The following MARCHF1 variants were observed in gnomAD, a reference collection of about 807,000 sequenced individuals.
The protein encoded by MARCHF1 is membrane associated ring-CH-type finger 1, also known as E3 ubiquitin-protein ligase MARCHF1.
MARCHF1 carries 40 observed loss-of-function variants against 54.2 expected under a neutral mutation model. That is an observed-to-expected ratio of 0.74 (90% CI 0.57 to 0.96). MARCHF1 has a LOEUF of 0.96. Ranked by LOEUF, MARCHF1 falls within the 40% of genes least tolerant of loss-of-function variation. The pLI is 0.00. For synonymous variants in MARCHF1, 236 were observed against 236.3 expected, an observed-to-expected ratio of 1.00 and a Z score of 0.01; for missense variants, 586 against 656.5, an observed-to-expected ratio of 0.89 and a Z score of 1.17.
chr4:164,269,040 C>T (rs1014010526), intron 1 of MARCHF1, among the ~76,000 whole-genome samples: 1 of 152,084 alleles, frequency 6.6e-6, no homozygotes, highest in Non-Finnish European at 1.5e-5. Flanking sequence ...AAGAGATATA[C>T]CTTTAATTTT....
chr4:163,613,643 C>T (rs1741424391), intron 5 of MARCHF1: 2 of 1,409,940 alleles, frequency 1.4e-6, no homozygotes, highest in Admixed American at 3.1e-5. Context: ...GAAGATGATT[C>T]CACAAGTTTC....
At chr4:163,756,631 CAAAAAAAAAAAA>C (rs67382228) in intron 4 of MARCHF1, among the ~76,000 whole-genome samples, 1,450 of 67,654 alleles carry the variant, frequency 0.021, 50 homozygotes, top group African/African-American at 0.09. Context: ...GACTCTGTCT[CAAAAAAAAAAAA>C]AAAAAAAAAA....
chr4:163,981,353 G>A (rs1169008373), intron 3 of MARCHF1, among the ~76,000 whole-genome samples: 1 of 152,134 alleles, frequency 6.6e-6, no homozygotes, highest in Non-Finnish European at 1.5e-5. Context: ...AAGATGACAG[G>A]CTGAAAGCCA....
In MARCHF1 at chr4:163,654,350, G is replaced by T. The variant is rs145175490; in HGVS notation, c.163-40957C>A. Among the ~76,000 whole-genome samples, 934 of 151,620 alleles carry T rather than the reference G, an allele frequency of 6.2e-3. 12 individuals carry two copies. Among genetic ancestry groups the T allele is most frequent in the African/African-American group, 0.021 (882 of 41,430 alleles). ...AAAAGGAAAATTTGGGGCAGATGAA[G>T]TTTGTGTGATGTTTTAAAGTTCTGC... On this transcript the variant is annotated intron_variant, in intron 5 of 9. Transcript: ENST00000514618.
intron 1 of MARCHF1, among the ~76,000 whole-genome samples, chr4:164,219,740 G>A (rs772718125): frequency 2.0e-5 from 3 of 151,766 alleles, no homozygotes; most frequent in Admixed American, 1.3e-4. Context: ...CCAATGACTC[G>A]GATCAGCTCT....
chr4:164,320,361 A>C (rs1735109356), intron 1 of MARCHF1, among the ~76,000 whole-genome samples: 1 of 152,144 alleles, frequency 6.6e-6, no homozygotes, highest in African/African-American at 2.4e-5. Flanking sequence ...CCCTTGCAAA[A>C]CACCACAAGT....
At position 163,839,982 on chromosome 4, in the gene MARCHF1, C is replaced by CA. The variant is rs1213186657; in HGVS notation, c.111+14038dup. ...GGATCATACCTAGCAAGAAATATCACAAAAAAAGAGACTAAGCAAAATATC... is the reference window on the plus strand; with the variant it reads ...GGATCATACCTAGCAAGAAATATCACAAAAAAAAGAGACTAAGCAAAATATC... On this transcript the variant is annotated intron_variant, in intron 4 of 9. Transcript: ENST00000514618. 4.0e-5 allele frequency among the ~76,000 whole-genome samples: 6 copies of CA among 151,790 alleles called. No individual in the cohort carries two copies. In the East Asian group the frequency reaches 7.7e-4, roughly 20 times the overall value.
intron 9 of MARCHF1, among the ~76,000 whole-genome samples, chr4:163,536,232 C>A (rs1166509782): frequency 6.6e-6 from 1 of 152,142 alleles, no homozygotes; most frequent in Non-Finnish European, 1.5e-5. Flanking sequence ...ATGAAATGTG[C>A]TTTATTTCCC....
rs538126335 is a variant in MARCHF1 at position 163,736,851 on chromosome 4, TAA to T, written c.112-35990_112-35989del. ...GTCAGAAATGCTTTTTCATTAAAAA[TAA>T]AGTCTTGCATAAAATATACTGTCTT... On this transcript the variant is annotated intron_variant, in intron 4 of 9. Transcript: ENST00000514618. 1.4e-3 allele frequency among the ~76,000 whole-genome samples: 215 copies of T among 152,318 alleles called. 2 individuals carry two copies. Among genetic ancestry groups the T allele is most frequent in the Non-Finnish European group, 2.3e-3 (155 of 68,024 alleles).
At chr4:163,924,978 T>C (rs772370032) in intron 3 of MARCHF1, among the ~76,000 whole-genome samples, 1 of 151,806 alleles carries the variant, frequency 6.6e-6, no homozygotes, top group African/African-American at 2.4e-5. Flanking sequence ...GTGGCTTTTC[T>C]CATGAGCAAA....
At chr4:164,093,398 C>T (rs1431683411) in intron 2 of MARCHF1, among the ~76,000 whole-genome samples, 1 of 152,096 alleles carries the variant, frequency 6.6e-6, no homozygotes, top group African/African-American at 2.4e-5. Context: ...GCAACCAATA[C>T]TATTGTTGTG....
intron 5 of MARCHF1, among the ~76,000 whole-genome samples, chr4:163,658,688 G>A (rs1303974868): frequency 6.6e-6 from 1 of 152,020 alleles, no homozygotes; most frequent in Admixed American, 6.6e-5. Flanking sequence ...ACTCATGTAG[G>A]AAGAGAAAAC....
chr4:163,613,171 A>G (rs909149488), intron 6 of MARCHF1, 133 bp from the exon 7 acceptor site: 3 of 1,236,696 alleles, frequency 2.4e-6, no homozygotes, highest in African/African-American at 1.5e-5. Flanking sequence ...AAGAAAATGA[A>G]CTAAATGAAA....
rs150250013 is a variant in MARCHF1 at position 163,905,364 on chromosome 4, C to T, written c.-38-51195G>A. Among the ~76,000 whole-genome samples the T allele has an allele frequency of 2.6e-3, 396 of 152,112 alleles. 1 individual carries two copies. The highest frequency in any genetic ancestry group is 8.7e-3 in the African/African-American group (362 of 41,534). On this transcript the variant is annotated intron_variant, in intron 3 of 9. Coordinates refer to ENST00000514618, the MANE Select transcript of MARCHF1 (RefSeq NM_001394959.1). Reference sequence around the variant, plus strand: ...GAGCCACATATGAATCTAGAACAAACGTAATATGCTGTTAATGATTACTCT... The same window carrying T: ...GAGCCACATATGAATCTAGAACAAATGTAATATGCTGTTAATGATTACTCT...
chr4:164,124,391 T>G (rs1306601315), intron 1 of MARCHF1, among the ~76,000 whole-genome samples: 1 of 151,996 alleles, frequency 6.6e-6, no homozygotes, highest in Non-Finnish European at 1.5e-5. Flanking sequence ...AAACTAAAAA[T>G]TGAGCTGCTA....
intron 1 of MARCHF1, among the ~76,000 whole-genome samples, chr4:164,155,719 T>C (rs1430986): frequency 0.57 from 87,130 of 152,028 alleles, 27,839 homozygotes; most frequent in Non-Finnish European, 0.75. Context: ...ATAATACCCA[T>C]TAATAATACA....
At chr4:164,305,470 G>C (rs1181927426) in intron 1 of MARCHF1, among the ~76,000 whole-genome samples, 1 of 152,060 alleles carries the variant, frequency 6.6e-6, no homozygotes, top group Non-Finnish European at 1.5e-5. Context: ...TTAGAAATCA[G>C]AACACCAGAG....
At chr4:164,378,162 C>G (rs1165929491) in intron 1 of MARCHF1, among the ~76,000 whole-genome samples, 1 of 151,854 alleles carries the variant, frequency 6.6e-6, no homozygotes, top group Non-Finnish European at 1.5e-5. Context: ...ATGTTTTTTC[C>G]CCGGGATGAA....
chr4:164,052,330 G>A (rs1450488625), intron 2 of MARCHF1, among the ~76,000 whole-genome samples: 1 of 151,958 alleles, frequency 6.6e-6, no homozygotes, highest in Non-Finnish European at 1.5e-5. Flanking sequence ...TCAGGAGTTC[G>A]AGACCAGCCT....
Sources: gnomAD v4.1 joint callset for allele counts (sites outside exome capture counted in the v4.1 genomes callset) on GRCh38, gnomAD v4.1.1 for gene constraint, MANE v1.5 for transcripts, NCBI Gene and HGNC (gene_info 2026-07-23, HGNC 2026-07-21) for gene names.